Variants in CCDC57 observed in about 807,000 individuals in gnomAD.
The protein encoded by CCDC57 is coiled-coil domain containing 57.
A neutral mutation model predicts 118.9 loss-of-function variants in CCDC57; 118 were observed. The ratio of observed to expected loss-of-function variants is 0.99; its 90% confidence interval spans 0.86 to 1.16. The LOEUF (loss-of-function observed/expected upper bound fraction) is 1.16. Ranked by LOEUF, CCDC57 falls within the 50% of genes most tolerant of loss-of-function variation. The pLI is 0.00. For missense variants in CCDC57, 1,300 were observed against 1,320.7 expected (o/e 0.98, Z 0.24); for synonymous variants, 527 against 532.9 (o/e 0.99, Z 0.15).
chr17:82,152,007 G>T, intron 15 of CCDC57: 1 of 537,216 alleles, frequency 1.9e-6, no homozygotes, highest in Non-Finnish European at 3.3e-6. Context: ...AGGCCAGGGT[G>T]GCCCCCAGAT....
chr17:82,201,017 C>T (rs1163225496), intron 3 of CCDC57, among the ~76,000 whole-genome samples: 1 of 152,114 alleles, frequency 6.6e-6, no homozygotes, highest in African/African-American at 2.4e-5. Flanking sequence ...GCCTGTCCTC[C>T]TTCCTTCCTG....
chr17:82,179,660 G>T (rs2045959622), intron 9 of CCDC57, among the ~76,000 whole-genome samples: 1 of 152,118 alleles, frequency 6.6e-6, no homozygotes, highest in African/African-American at 2.4e-5. Flanking sequence ...CCGAGCGAGT[G>T]CAAAGGGACA....
At chr17:82,104,966 C>T (rs921791260) in intron 19 of CCDC57, 10 of 152,290 alleles carry the variant, frequency 6.6e-5, no homozygotes, top group Non-Finnish European at 2.9e-5. Context: ...CGGAGCTGGT[C>T]CCCAGCTTTC....
At chr17:82,171,728 T>C in exon 13 of CCDC57, 3 of 1,613,184 alleles carry the variant, frequency 1.9e-6, no homozygotes, top group Non-Finnish European at 2.5e-6. Flanking sequence ...GTGCGGACGC[T>C]GGGCTGAGAC....
chr17:82,136,325 G>A lies in CCDC57; in HGVS notation c.2456-2131C>T, dbSNP rs2039167572. ...ACAGGACACAGAGGGAAAGAAGCCA[G>A]GCACAAAGGGACACATCCTGTGGGA... On this transcript the variant is annotated intron_variant, in intron 16 of 19. Coordinates refer to ENST00000665763, the Ensembl canonical transcript of CCDC57. 2.0e-5 allele frequency among the ~76,000 whole-genome samples: 3 copies of A among 152,174 alleles called. No individual in the cohort carries two copies. The South Asian group carries it at 6.2e-4, about 32-fold the overall frequency.
At chr17:82,148,176 T>C (rs1305415748) in intron 16 of CCDC57, among the ~76,000 whole-genome samples, 4 of 136,182 alleles carry the variant, frequency 2.9e-5, no homozygotes, top group African/African-American at 5.7e-5. Flanking sequence ...GATGAATAGA[T>C]AGGTGGGTGG....
At chr17:82,141,050 A>G (rs1300573336) in intron 16 of CCDC57, among the ~76,000 whole-genome samples, 1 of 151,742 alleles carries the variant, frequency 6.6e-6, no homozygotes, top group African/African-American at 2.4e-5. Context: ...TCGATCTGTC[A>G]CCCAGGCTGG....
At chr17:82,166,509 T>C (rs1407120307) in intron 13 of CCDC57, among the ~76,000 whole-genome samples, 5 of 151,758 alleles carry the variant, frequency 3.3e-5, no homozygotes, top group African/African-American at 1.2e-4. Context: ...ATCGAGACCC[T>C]GTCTCTAAAA....
exon 10 of CCDC57, chr17:82,179,116 C>CCAG: frequency 1.2e-6 from 2 of 1,613,960 alleles, no homozygotes; most frequent in Non-Finnish European, 1.7e-6. Context: ...CGCTGCCAGT[C>CCAG]CAGGCCCAGC....
intron 19 of CCDC57, among the ~76,000 whole-genome samples, chr17:82,114,165 T>C (rs78171976): frequency 0.011 from 1,726 of 152,346 alleles, 33 homozygotes; most frequent in African/African-American, 0.04. Context: ...AGGTACAGAC[T>C]GTTCTTCACT....
chr17:82,128,649 T>C, intron 17 of CCDC57, 52 bp from the exon 17 acceptor site: 1 of 1,365,762 alleles, frequency 7.3e-7, no homozygotes, highest in Non-Finnish European at 1.0e-6. Flanking sequence ...GTACTGATGG[T>C]GCATGTCAGT....
At chr17:82,101,658 G>C (rs75249454) in exon 20 of CCDC57, 1 of 1,557,144 alleles carries the variant, frequency 6.4e-7, no homozygotes, top group South Asian at 1.1e-5. Context: ...GCACCCCTTA[G>C]TGGGGCGGGG....
intron 16 of CCDC57, among the ~76,000 whole-genome samples, chr17:82,147,023 G>A (rs1042378642): frequency 1.3e-5 from 2 of 152,188 alleles, no homozygotes; most frequent in African/African-American, 2.4e-5. Flanking sequence ...TGGGCCTGGC[G>A]ACATAGGAAC....
intron 16 of CCDC57, among the ~76,000 whole-genome samples, chr17:82,134,855 T>G (rs1393044732): frequency 6.6e-6 from 1 of 152,154 alleles, no homozygotes; most frequent in Non-Finnish European, 1.5e-5. Flanking sequence ...ATGGTTCTAC[T>G]CAAAGCTTCG....
chr17:82,122,248 C>T (rs903615652), intron 19 of CCDC57, among the ~76,000 whole-genome samples: 1 of 152,226 alleles, frequency 6.6e-6, no homozygotes, highest in Non-Finnish European at 1.5e-5. Flanking sequence ...TCTGCCAGAA[C>T]CGTTTCCCAC....
At chr17:82,174,708 G>A (rs2045247673) in intron 11 of CCDC57, among the ~76,000 whole-genome samples, 1 of 152,188 alleles carries the variant, frequency 6.6e-6, no homozygotes, top group Admixed American at 6.5e-5. Context: ...TATAATGAAG[G>A]ATTTAGAGCC....
chr17:82,177,331 A>G (rs1599177476), intron 11 of CCDC57, among the ~76,000 whole-genome samples: 1 of 152,080 alleles, frequency 6.6e-6, no homozygotes, highest in African/African-American at 2.4e-5. Context: ...AGCAGAGATC[A>G]CACCACTGCA....
intron 19 of CCDC57, among the ~76,000 whole-genome samples, chr17:82,116,834 G>A (rs972676499): frequency 6.6e-6 from 1 of 152,132 alleles, no homozygotes; most frequent in Non-Finnish European, 1.5e-5. Flanking sequence ...AACCAGGCTT[G>A]CAGCCCTCCC....
intron 13 of CCDC57, 68 bp from the exon 13 acceptor site, chr17:82,163,425 A>C: frequency 1.3e-6 from 2 of 1,570,314 alleles, no homozygotes; most frequent in Non-Finnish European, 1.7e-6. Flanking sequence ...GGGGAGACAC[A>C]CATCTCTATC....
Sources: gnomAD v4.1 joint callset for allele counts (sites outside exome capture counted in the v4.1 genomes callset) on GRCh38, gnomAD v4.1.1 for gene constraint, MANE v1.5 for transcripts, NCBI Gene and HGNC (gene_info 2026-07-23, HGNC 2026-07-21) for gene names.